REST: variants seen among roughly 807,000 people sequenced by gnomAD.
REST encodes the protein RE1 silencing transcription factor.
Under a neutral mutation model 30.4 loss-of-function variants are expected in REST, and 1 was observed. That is an observed-to-expected ratio of 0.03 (90% CI 0.01 to 0.16). The LOEUF (loss-of-function observed/expected upper bound fraction) is 0.16, where lower values mean the gene tolerates loss of function less well. Ranked by LOEUF, REST falls within the 10% of genes least tolerant of loss-of-function variation. The pLI is 1.00. For synonymous variants in REST, 504 were observed against 451.1 expected, an observed-to-expected ratio of 1.12 and a Z score of -1.49; for missense variants, 1,259 against 1,329.5, an observed-to-expected ratio of 0.95 and a Z score of 0.82.
chr4:56,924,650 T>TG (rs1720601312), intron 3 of REST, among the ~76,000 whole-genome samples: 1 of 151,260 alleles, frequency 6.6e-6, no homozygotes. Flanking sequence ...TTTGTAGAGA[T>TG]GGAGTCTTAC....
In REST at chr4:56,927,052, C is replaced by T. The variant is rs573872180; in HGVS notation, c.983-2789C>T. On this transcript the variant is annotated intron_variant, in intron 3 of 3. Coordinates refer to ENST00000309042, the MANE Select transcript of REST (RefSeq NM_005612.5). Reference sequence around the variant, plus strand: ...CGGGGGTTGCAGTGAGCCGAGATCGCGCCATTGCACTCCAGACTGGGCAAC... The same window carrying T: ...CGGGGGTTGCAGTGAGCCGAGATCGTGCCATTGCACTCCAGACTGGGCAAC... Among the ~76,000 whole-genome samples the T allele has an allele frequency of 1.8e-3, 272 of 151,526 alleles. 2 individuals are homozygous for T. The highest frequency in any genetic ancestry group is 5.9e-3 in the African/African-American group (245 of 41,294).
In REST at chr4:56,909,947, A is replaced by G. The variant is rs529241003; in HGVS notation, c.-9-683A>G. On this transcript the variant is annotated intron_variant, in intron 1 of 3. Transcript: ENST00000309042. ...CAGAAAAATAAGCTTATTAATTTTTATTTGTGAAGTTTTGAATAAATCAAA... is the reference window on the plus strand; with the variant it reads ...CAGAAAAATAAGCTTATTAATTTTTGTTTGTGAAGTTTTGAATAAATCAAA... 2.0e-5 allele frequency among the ~76,000 whole-genome samples: 3 copies of G among 152,328 alleles called. No individual in the cohort carries two copies. The South Asian group carries it at 6.2e-4, about 32-fold the overall frequency.
chr4:56,925,164 C>CA (rs35149595), intron 3 of REST, among the ~76,000 whole-genome samples: 9,876 of 82,172 alleles, frequency 0.12, 440 homozygotes, highest in South Asian at 0.16. Context: ...GACTCAGTCT[C>CA]AAAAAAAAAA....
chr4:56,927,559 A>G (rs550514481), intron 3 of REST: 27 of 738,184 alleles, frequency 3.7e-5, no homozygotes, highest in South Asian at 1.7e-4. Flanking sequence ...AATGTTTGAG[A>G]TGAATTTTCA....
chr4:56,933,500 G>A lies in REST; in HGVS notation c.*1348G>A, dbSNP rs1721046516. 1 of 152,142 alleles carries A rather than the reference G, an allele frequency of 6.6e-6. No homozygotes were observed. The highest frequency in any genetic ancestry group is 2.4e-5 in the African/African-American group (1 of 41,438). The allele number at this position is 152,142 out of a possible 1,614,324, so 9.4% of individuals were successfully genotyped here. ...TGCAACTTTCCTATACAGTGAAAAA[G>A]GCTGGTGAAACAAGTACAGTCCAGA... is the stretch of plus-strand genomic sequence containing the variant. On this transcript the variant is annotated 3_prime_UTR_variant, in exon 4 of 4. Transcript: ENST00000309042.
In REST at chr4:56,930,998, G is replaced by A. The variant is rs746680187; in HGVS notation, c.2140G>A (p.Ala714Thr). ...APMEPAQMEVAQVESAPMQVV... is the reference protein window; with the variant it reads ...APMEPAQMEVTQVESAPMQVV... ...CATGGAACCTGCTCAGATGGAGGTTGCCCAGGTAGAATCTGCTCCCATGCA... is the reference window on the plus strand; with the variant it reads ...CATGGAACCTGCTCAGATGGAGGTTACCCAGGTAGAATCTGCTCCCATGCA... The change falls in exon 4 of 4, where the codon GCC becomes ACC. Residue 714 changes from alanine to threonine, a missense_variant. By Grantham distance (58) the Ala-to-Thr change is moderately conservative. Coordinates refer to ENST00000309042, the MANE Select transcript of REST (RefSeq NM_005612.5). 1 of 1,614,256 alleles carries A rather than the reference G, an allele frequency of 6.2e-7. No homozygotes were observed. The highest frequency in any genetic ancestry group is 8.5e-7 in the Non-Finnish European group (1 of 1,180,046).
At chr4:56,916,127 A>G (rs1720184654) in intron 2 of REST, among the ~76,000 whole-genome samples, 1 of 145,718 alleles carries the variant, frequency 6.9e-6, no homozygotes, top group Admixed American at 6.8e-5. Context: ...TAGCATTTAA[A>G]GTTCAGCAAT....
In REST at chr4:56,911,226, A is replaced by G; in HGVS notation, c.588A>G (p.Ala196=). The change falls in exon 2 of 4, where the codon GCA becomes GCG. Residue 196 remains alanine (A), a synonymous_variant. Transcript: ENST00000309042. ...FFVEESAEKQ[A]KARESGSSTA... is the part of the protein sequence containing the mutation. ...TGGAAGAGAGTGCAGAGAAGCAGGC[A>G]AAAGCCAGGGAATCTGGCTCTTCCA... The G allele has an allele frequency of 1.2e-6, 2 of 1,614,210 alleles. No individual in the cohort carries two copies. Among genetic ancestry groups the G allele is most frequent in the Non-Finnish European group, 1.7e-6 (2 of 1,180,042 alleles).
At position 56,910,985 on chromosome 4, in the gene REST, T is replaced by A; in HGVS notation, c.347T>A (p.Leu116His). Residue 116 changes from leucine (L) to histidine (H), a missense_variant, in exon 2 of 4, where the codon CTC (leucine) becomes CAC (histidine). Coordinates refer to ENST00000309042, the MANE Select transcript of REST (RefSeq NM_005612.5). ...AACATGGAACTGAGAAGTTTGGAAC[T>A]CAGCGTCGTAGAACCTCAGCCTGTA... is the stretch of plus-strand genomic sequence containing the variant. ...LENMELRSLELSVVEPQPVFE... is the reference protein window; with the variant it reads ...LENMELRSLEHSVVEPQPVFE... The A allele has an allele frequency of 6.2e-7, 1 of 1,614,172 alleles. No individual in the cohort carries two copies. The highest frequency in any genetic ancestry group is 8.5e-7 in the Non-Finnish European group (1 of 1,180,030).
chr4:56,911,660 G>T, intron 2 of REST, 124 bp downstream of exon 2: 1 of 766,010 alleles, frequency 1.3e-6, no homozygotes, highest in East Asian at 2.6e-5. Context: ...TGCTATCTTT[G>T]TGACCTTGCA....
chr4:56,917,046 A>C (rs1720233114), intron 2 of REST, among the ~76,000 whole-genome samples: 1 of 152,206 alleles, frequency 6.6e-6, no homozygotes, highest in African/African-American at 2.4e-5. Flanking sequence ...TTGTGATTAC[A>C]GCTATCTTAG....
intron 3 of REST, among the ~76,000 whole-genome samples, chr4:56,923,162 A>G (rs1311644978): frequency 1.3e-5 from 2 of 152,246 alleles, no homozygotes; most frequent in South Asian, 2.1e-4. Context: ...TAGCTATTGT[A>G]TGTATGCTGA....
intron 2 of REST, among the ~76,000 whole-genome samples, chr4:56,918,708 C>G (rs1046615472): frequency 6.6e-6 from 1 of 152,098 alleles, no homozygotes; most frequent in African/African-American, 2.4e-5. Context: ...GTCTCACTTT[C>G]ACCCAGGCTG....
At chr4:56,910,435 T>A (rs1272072574) in intron 1 of REST, among the ~76,000 whole-genome samples, 195 bp from the exon 2 acceptor site, 1 of 152,208 alleles carries the variant, frequency 6.6e-6, no homozygotes, top group Admixed American at 6.5e-5. Flanking sequence ...GAAATTTTTT[T>A]TTGGTGATTG....
chr4:56,916,519 C>T (rs1720203689), intron 2 of REST, among the ~76,000 whole-genome samples: 1 of 152,046 alleles, frequency 6.6e-6, no homozygotes, highest in Non-Finnish European at 1.5e-5. Flanking sequence ...AGCCTGTAGT[C>T]CCAGCTTCTC....
chr4:56,916,629 T>C (rs1720210338), intron 2 of REST, among the ~76,000 whole-genome samples: 1 of 152,128 alleles, frequency 6.6e-6, no homozygotes, highest in Non-Finnish European at 1.5e-5. Flanking sequence ...AGAGCGAGAC[T>C]GCGTCTCAAA....
rs538653869 is a variant in REST, at chr4:56,933,861, T to A, written c.*1709T>A. On this transcript the variant is annotated 3_prime_UTR_variant, in exon 4 of 4. Coordinates refer to ENST00000309042, the MANE Select transcript of REST (RefSeq NM_005612.5). The stretch of plus-strand genomic sequence containing the variant: ...AATAACCACTTTATATTTCATTTTT[T>A]AAAAATCTGATGATCTCTTTGAGGC... 2.0e-5 allele frequency: 3 copies of A among 152,342 alleles called. No individual in the cohort carries two copies. The highest frequency in any genetic ancestry group is 1.9e-4 in the East Asian group (1 of 5,188). The allele number at this position is 152,342 out of a possible 1,614,324, so 9.4% of individuals were successfully genotyped here.
At position 56,917,945 on chromosome 4, in the gene REST, A is replaced by T. The variant is rs544436552; in HGVS notation, c.899-1842A>T. ...CGGGCGCCTGTAGTCCCAGCTACTC[A>T]GGAGGCTGAGGCAGGAGAATGGTGT... On this transcript the variant is annotated intron_variant, in intron 2 of 3. Coordinates refer to ENST00000309042, the MANE Select transcript of REST (RefSeq NM_005612.5). 1.1e-3 allele frequency among the ~76,000 whole-genome samples: 161 copies of T among 150,046 alleles called. 1 individual carries two copies. The highest frequency in any genetic ancestry group is 3.6e-3 in the African/African-American group (147 of 40,310).
intron 3 of REST, among the ~76,000 whole-genome samples, chr4:56,925,369 CAT>C (rs1720652776): frequency 6.6e-6 from 1 of 150,908 alleles, no homozygotes. Flanking sequence ...TGTGCTATAA[CAT>C]GTGGCTAATT....
Sources: allele counts gnomAD v4.1 joint callset (sites outside exome capture counted in the v4.1 genomes callset), GRCh38; gene constraint gnomAD v4.1.1; transcripts MANE v1.5; gene names NCBI Gene and HGNC (gene_info 2026-07-23, HGNC 2026-07-21).